The following NLGN1 variants were observed in gnomAD, a reference collection of about 807,000 sequenced individuals.
NLGN1 encodes the protein neuroligin-1.
Under a neutral mutation model 65.5 loss-of-function variants are expected in NLGN1, and 12 were observed. The ratio of observed to expected loss-of-function variants is 0.18; its 90% CI spans 0.12 to 0.30. The LOEUF (loss-of-function observed/expected upper bound fraction) is 0.30. NLGN1 is among the 10% of genes least tolerant of loss of function. The probability of loss-of-function intolerance (pLI) is 1.00; values close to 1 mark genes in which losing one functional copy is unlikely to be tolerated. For missense variants in NLGN1, 750 were observed against 1,007.1 expected (o/e 0.74, Z 3.46); for synonymous variants, 350 against 359.5 (o/e 0.97, Z 0.30).
chr3:173,996,789 G>A (rs1016130934), intron 4 of NLGN1, among the ~76,000 whole-genome samples: 3 of 152,162 alleles, frequency 2.0e-5, no homozygotes, highest in Non-Finnish European at 4.4e-5. Flanking sequence ...AAGAGAATAT[G>A]CAACAAAGTA....
intron 4 of NLGN1, among the ~76,000 whole-genome samples, chr3:173,944,127 GTGT>G (rs1746712656): frequency 9.2e-5 from 11 of 119,110 alleles, no homozygotes; most frequent in African/African-American, 3.3e-4. Flanking sequence ...TATTATGGGT[GTGT>G]GTGTGTGTGT....
At chr3:174,180,808 T>G (rs1730258966) in intron 4 of NLGN1, 1 of 152,066 alleles carries the variant, frequency 6.6e-6, no homozygotes, top group South Asian at 2.1e-4. Context: ...AGTAGAAGAC[T>G]TAGACTTTAA....
intron 4 of NLGN1, among the ~76,000 whole-genome samples, chr3:173,942,972 C>T (rs536015570): frequency 6.6e-6 from 1 of 152,242 alleles, no homozygotes; most frequent in Admixed American, 6.5e-5. Flanking sequence ...CACCTGTAAT[C>T]CCAGCACTTT....
intron 3 of NLGN1, among the ~76,000 whole-genome samples, chr3:173,674,313 G>C (rs1762837014): frequency 6.6e-6 from 1 of 152,090 alleles, no homozygotes; most frequent in Non-Finnish European, 1.5e-5. Context: ...ATGTGCATTA[G>C]CCATTGTACC....
intron 4 of NLGN1, among the ~76,000 whole-genome samples, chr3:173,927,145 C>T (rs531415014): frequency 1.1e-4 from 17 of 152,130 alleles, no homozygotes; most frequent in Middle Eastern, 3.4e-3. Context: ...CTCACTGCAA[C>T]CTACACCTCC....
In NLGN1 at chr3:173,855,075, C is replaced by T. The variant is rs372906222; in HGVS notation, c.646+47243C>T. Reference sequence around the variant, plus strand: ...AGAAAGAAGGAATAAAAGAAAATGTCCCATAGTCTGTCACTTTAGACGCTT... The same window carrying T: ...AGAAAGAAGGAATAAAAGAAAATGTTCCATAGTCTGTCACTTTAGACGCTT... On this transcript the variant is annotated intron_variant, in intron 4 of 6. Coordinates refer to ENST00000457714, the Ensembl canonical transcript of NLGN1. 5.3e-5 allele frequency among the ~76,000 whole-genome samples: 8 copies of T among 152,202 alleles called. 1 individual carries two copies. In the South Asian group the frequency reaches 1.7e-3, roughly 32 times the overall value.
chr3:174,247,606 T>C (rs1744037652), intron 4 of NLGN1, among the ~76,000 whole-genome samples: 1 of 152,236 alleles, frequency 6.6e-6, no homozygotes, highest in South Asian at 2.1e-4. Context: ...CTTACAGTTA[T>C]CTATAGCCTC....
chr3:174,202,298 A>C (rs550928505), intron 4 of NLGN1, among the ~76,000 whole-genome samples: 17 of 152,276 alleles, frequency 1.1e-4, no homozygotes, highest in South Asian at 2.1e-4. Flanking sequence ...TCTATTTCCA[A>C]ATGAAAAGTC....
At chr3:173,477,971 C>T (rs150863708) in intron 2 of NLGN1, among the ~76,000 whole-genome samples, 74 of 152,230 alleles carry the variant, frequency 4.9e-4, no homozygotes, top group African/African-American at 1.7e-3. Flanking sequence ...TAAATTAGTT[C>T]AACGTTTGTG....
intron 2 of NLGN1, among the ~76,000 whole-genome samples, chr3:173,539,677 A>ATGTGCATATGCACAT (rs1240848311): frequency 2.5e-5 from 2 of 79,444 alleles, no homozygotes; most frequent in Non-Finnish European, 4.5e-5. Flanking sequence ...GCACATATAT[A>ATGTGCATATGCACAT]ACATACATAT....
At chr3:173,942,134 GTGTGTGTA>G (rs759940805) in intron 4 of NLGN1, among the ~76,000 whole-genome samples, 4,766 of 148,202 alleles carry the variant, frequency 0.032, 116 homozygotes, top group African/African-American at 0.082. Flanking sequence ...GTGTGTGTGT[GTGTGTGTA>G]TGTGTGTGTG....
intron 3 of NLGN1, among the ~76,000 whole-genome samples, chr3:173,783,142 C>A (rs777296168): frequency 6.6e-6 from 1 of 152,084 alleles, no homozygotes; most frequent in African/African-American, 2.4e-5. Flanking sequence ...GAGGTAGGAA[C>A]AGGGAAGCTA....
chr3:174,005,964 G>C (rs1015524514), intron 4 of NLGN1, among the ~76,000 whole-genome samples: 1 of 152,054 alleles, frequency 6.6e-6, no homozygotes, highest in Non-Finnish European at 1.5e-5. Flanking sequence ...TTAAGACCTT[G>C]TTTATGTACT....
At chr3:173,621,599 G>T (rs954234992) in intron 3 of NLGN1, among the ~76,000 whole-genome samples, 3 of 152,034 alleles carry the variant, frequency 2.0e-5, no homozygotes, top group African/African-American at 7.2e-5. Context: ...TTACAGGAAA[G>T]GAGACTAGAT....
At chr3:174,237,664 C>T (rs1227053237) in intron 4 of NLGN1, among the ~76,000 whole-genome samples, 1 of 152,120 alleles carries the variant, frequency 6.6e-6, no homozygotes, top group Non-Finnish European at 1.5e-5. Context: ...TCAAGTGATT[C>T]TCCTGCCTCA....
At chr3:174,196,179 A>G (rs1054559780) in intron 4 of NLGN1, among the ~76,000 whole-genome samples, 2 of 152,244 alleles carry the variant, frequency 1.3e-5, no homozygotes, top group African/African-American at 4.8e-5. Flanking sequence ...ACAAATGCCT[A>G]TCATGTGCCT....
At chr3:173,697,640 G>A (rs11919362) in intron 3 of NLGN1, among the ~76,000 whole-genome samples, 14,929 of 151,966 alleles carry the variant, frequency 0.098, 772 homozygotes, top group Middle Eastern at 0.25. Flanking sequence ...TGATTCTCCT[G>A]CCTCAGCCTC....
At chr3:173,995,345 G>A (rs181617499) in intron 4 of NLGN1, among the ~76,000 whole-genome samples, 1 of 152,194 alleles carries the variant, frequency 6.6e-6, no homozygotes, top group East Asian at 1.9e-4. Flanking sequence ...CCTTCACAGG[G>A]ACATGGAAGA....
intron 3 of NLGN1, among the ~76,000 whole-genome samples, chr3:173,703,334 T>G (rs2149895090): frequency 6.6e-6 from 1 of 152,292 alleles, no homozygotes; most frequent in Non-Finnish European, 1.5e-5. Flanking sequence ...TCCTGATGGG[T>G]TCATTTTGTC....
Sources: allele counts gnomAD v4.1 joint callset (sites outside exome capture counted in the v4.1 genomes callset), GRCh38; gene constraint gnomAD v4.1.1; transcripts MANE v1.5; gene names NCBI Gene and HGNC (gene_info 2026-07-23, HGNC 2026-07-21).